Variants in ABCA8 observed in about 807,000 individuals in gnomAD.
The protein encoded by ABCA8 is ATP binding cassette subfamily A member 8, also known as ABC-type organic anion transporter ABCA8.
Under a neutral mutation model 192.3 loss-of-function variants are expected in ABCA8, and 177 were observed. That is an observed-to-expected ratio of 0.92 (90% confidence interval 0.81 to 1.04). The LOEUF (loss-of-function observed/expected upper bound fraction) is 1.04, where lower values mean the gene tolerates loss of function less well. ABCA8 is among the 50% of genes least tolerant of loss of function. The pLI is 0.00. For synonymous variants in ABCA8, 642 were observed against 690.2 expected (o/e 0.93, Z 1.09); for missense variants, 1,915 against 1,904.8 (o/e 1.01, Z -0.10).
chr17:68,906,628 G>A (rs1451428183), intron 18 of ABCA8, among the ~76,000 whole-genome samples: 1 of 151,934 alleles, frequency 6.6e-6, no homozygotes, highest in Admixed American at 6.6e-5. Context: ...GAAAATATTT[G>A]TTAAAGAGAA....
chr17:68,883,959 C>G, intron 28 of ABCA8, 77 bp from the exon 29 acceptor site: 1 of 903,284 alleles, frequency 1.1e-6, no homozygotes, highest in Admixed American at 3.2e-5. Flanking sequence ...TAATAATAAC[C>G]GAACTTCTAA....
chr17:68,872,821 A>G (rs1417409699), intron 37 of ABCA8, among the ~76,000 whole-genome samples: 1 of 152,146 alleles, frequency 6.6e-6, no homozygotes, highest in African/African-American at 2.4e-5. Flanking sequence ...GAATAATTTT[A>G]GAAATAGAAA....
chr17:68,913,937 A>G (rs569609208), intron 17 of ABCA8, among the ~76,000 whole-genome samples: 1 of 152,216 alleles, frequency 6.6e-6, no homozygotes, highest in Admixed American at 6.5e-5. Flanking sequence ...ATTCAACAAC[A>G]CATTAAAAAA....
chr17:68,923,500 A>G (rs965405034), intron 11 of ABCA8, among the ~76,000 whole-genome samples: 2 of 152,186 alleles, frequency 1.3e-5, no homozygotes, highest in Admixed American at 1.3e-4. Flanking sequence ...GCTCCTGGCC[A>G]AAACTGTCTC....
In ABCA8 at chr17:68,907,834, A is replaced by G. The variant is rs780814673; in HGVS notation, c.2184T>C (p.Leu728=). ...EICVEENITS[L]VKQHIPDAKL... is the part of the protein sequence containing the mutation. ...TGGCATCAGGGATGTGCTGTTTAAC[A>G]AGTGATGTTATGTTTTCCTCAACAC... Residue 728 remains leucine, a synonymous_variant, in exon 18 of 40, where the codon CTT becomes CTC. Coordinates refer to ENST00000586539, the MANE Select transcript of ABCA8 (RefSeq NM_001288985.2). The G allele has an allele frequency of 3.1e-6, 5 of 1,608,470 alleles. No individual in the cohort carries two copies. The East Asian group carries it at 6.7e-5, about 22-fold the overall frequency.
intron 24 of ABCA8, among the ~76,000 whole-genome samples, chr17:68,888,638 G>T (rs2143360458): frequency 6.6e-6 from 1 of 152,288 alleles, no homozygotes; most frequent in South Asian, 2.1e-4. Flanking sequence ...AATAGCAAGG[G>T]GGGAAGACAT....
At chr17:68,918,797 C>A (rs139980707) in intron 14 of ABCA8, among the ~76,000 whole-genome samples, 1 of 151,704 alleles carries the variant, frequency 6.6e-6, no homozygotes, top group African/African-American at 2.4e-5. Flanking sequence ...CCAAGCCTGG[C>A]GGCGTGCCTG....
chr17:68,909,966 C>T (rs557855219), intron 17 of ABCA8, among the ~76,000 whole-genome samples: 1 of 152,256 alleles, frequency 6.6e-6, no homozygotes, highest in Non-Finnish European at 1.5e-5. Flanking sequence ...GGTTCAATTT[C>T]TGATTCCAGC....
intron 24 of ABCA8, among the ~76,000 whole-genome samples, chr17:68,890,496 C>T (rs1261109571): frequency 6.6e-6 from 1 of 151,888 alleles, no homozygotes; most frequent in Non-Finnish European, 1.5e-5. Context: ...TGTGGCTTGC[C>T]TTTTATTTTA....
rs1567882307 is a variant in ABCA8 at position 68,940,917 on chromosome 17, G to T, written c.142C>A (p.Pro48Thr). ...AAATCATTTACTTGATGACTATGAG[G>T]ATATATATACAAACAAAGTAGTAGG... Reference protein sequence around the residue: ...LLLLLCLYIYPHSHQVNDFSS... With the variant: ...LLLLLCLYIYTHSHQVNDFSS... The change falls in exon 4 of 40, where the codon CCT (proline) becomes ACT (threonine). Residue 48 changes from proline (P) to threonine (T), a missense_variant. Pro to Thr is a conservative substitution (Grantham distance 38). Coordinates refer to ENST00000586539, the MANE Select transcript of ABCA8 (RefSeq NM_001288985.2). The T allele has an allele frequency of 1.2e-6, 2 of 1,612,002 alleles. No homozygotes were observed. The highest frequency in any genetic ancestry group is 2.2e-5 in the East Asian group (1 of 44,814).
intron 28 of ABCA8, 80 bp from the exon 29 acceptor site, chr17:68,883,962 A>T: frequency 1.1e-6 from 1 of 889,540 alleles, no homozygotes. Flanking sequence ...TAATAACCGA[A>T]CTTCTAAAAA....
chr17:68,887,955 G>GAT (rs201074109), intron 24 of ABCA8, among the ~76,000 whole-genome samples: 1 of 100,886 alleles, frequency 9.9e-6, no homozygotes, highest in Non-Finnish European at 1.9e-5. Flanking sequence ...TATATATATG[G>GAT]ATATATATAC....
At position 68,887,050 on chromosome 17, in the gene ABCA8, T is replaced by C. The variant is rs1298399914; in HGVS notation, c.3396A>G (p.Lys1132=). 1 of 1,612,432 alleles carries C rather than the reference T, an allele frequency of 6.2e-7. No homozygotes were observed. Among genetic ancestry groups the C allele is most frequent in the Non-Finnish European group, 8.5e-7 (1 of 1,178,888 alleles). ...AACAAAATGACCAAATGCCACTATT[T>C]TTTCTCCCCTTGCGAAAGATGAAGG... is the stretch of plus-strand genomic sequence containing the variant. ...VISFIFRKGR[K]NSGIWSFCFY... The change falls in exon 26 of 40, where the codon AAA becomes AAG. Residue 1132 remains lysine, a synonymous_variant. Transcript: ENST00000586539.
chr17:68,954,008 C>T (rs2068642937), intron 1 of ABCA8, among the ~76,000 whole-genome samples: 1 of 150,718 alleles, frequency 6.6e-6, no homozygotes, highest in Admixed American at 6.7e-5. Flanking sequence ...CCAATGCAAG[C>T]TCTGTACAGG....
At position 68,927,979 on chromosome 17, in the gene ABCA8, T is replaced by C. The variant is rs1470001747; in HGVS notation, c.1210A>G (p.Met404Val). The C allele has an allele frequency of 6.2e-7, 1 of 1,608,636 alleles. No individual in the cohort carries two copies. The highest frequency in any genetic ancestry group is 8.5e-7 in the Non-Finnish European group (1 of 1,178,184). ...TAGAGGCAAGTGTCAAATGCCAACATGAAATTTGTTGCTACAATGAGATTT... is the reference window on the plus strand; with the variant it reads ...TAGAGGCAAGTGTCAAATGCCAACACGAAATTTGTTGCTACAATGAGATTT... ...GSNLIVATNF[M>V]LAFDTCLYLA... The change falls in exon 10 of 40, where the codon ATG becomes GTG. Residue 404 changes from methionine (M) to valine (V), a missense_variant. Coordinates refer to ENST00000586539, the MANE Select transcript of ABCA8 (RefSeq NM_001288985.2).
At chr17:68,913,978 C>T (rs921382869) in intron 17 of ABCA8, among the ~76,000 whole-genome samples, 12 of 151,894 alleles carry the variant, frequency 7.9e-5, no homozygotes, top group Admixed American at 5.9e-4. Flanking sequence ...TGGATTTATC[C>T]CAGAGATTCA....
chr17:68,949,057 C>T (rs746304544), intron 2 of ABCA8, among the ~76,000 whole-genome samples: 11 of 151,994 alleles, frequency 7.2e-5, no homozygotes, highest in South Asian at 2.1e-4. Flanking sequence ...GTTGTAGATG[C>T]GTGGTGTAAT....
At chr17:68,868,866 T>C (rs920060734) in intron 38 of ABCA8, among the ~76,000 whole-genome samples, 5 of 152,040 alleles carry the variant, frequency 3.3e-5, no homozygotes, top group African/African-American at 1.2e-4. Flanking sequence ...GCTCAGCAGA[T>C]TGGAAATATG....
At chr17:68,951,865 T>C (rs1182550125) in intron 1 of ABCA8, among the ~76,000 whole-genome samples, 1 of 152,226 alleles carries the variant, frequency 6.6e-6, no homozygotes, top group Non-Finnish European at 1.5e-5. Flanking sequence ...GATAGATAAC[T>C]ATATTTTAAG....
Sources: allele counts gnomAD v4.1 joint callset (sites outside exome capture counted in the v4.1 genomes callset), GRCh38; gene constraint gnomAD v4.1.1; transcripts MANE v1.5; gene names NCBI Gene and HGNC (gene_info 2026-07-23, HGNC 2026-07-21).